The following ENAH variants were observed in gnomAD, a reference collection of about 807,000 sequenced individuals.
ENAH encodes the protein ENAH actin regulator.
In ENAH, 23 loss-of-function variants were observed where a neutral mutation model predicts 78.7. The ratio of observed to expected loss-of-function variants is 0.29; its 90% confidence interval spans 0.21 to 0.41. The LOEUF is 0.41. ENAH is among the 10% of genes least tolerant of loss of function. The pLI is 1.00. For missense variants in ENAH, 544 were observed against 691.0 expected, an observed-to-expected ratio of 0.79 and a Z score of 2.39; for synonymous variants, 226 against 241.0, an observed-to-expected ratio of 0.94 and a Z score of 0.58.
chr1:225,641,998 G>A (rs932346279), intron 1 of ENAH, among the ~76,000 whole-genome samples: 5 of 151,650 alleles, frequency 3.3e-5, no homozygotes, highest in East Asian at 1.9e-4. Flanking sequence ...TCCGGCCTGG[G>A]GGACACAGCA....
chr1:225,618,829 T>C (rs1656282337), intron 1 of ENAH, among the ~76,000 whole-genome samples: 1 of 152,172 alleles, frequency 6.6e-6, no homozygotes, highest in Non-Finnish European at 1.5e-5. Context: ...TTCTACTCTA[T>C]ACTAAATTAC....
chr1:225,642,436 T>C (rs1473438644), intron 1 of ENAH, among the ~76,000 whole-genome samples: 3 of 151,996 alleles, frequency 2.0e-5, no homozygotes, highest in Non-Finnish European at 4.4e-5. Flanking sequence ...TATTGTTAAG[T>C]GAGCGATGAG....
rs544519869 is a variant in ENAH, at chr1:225,621,587, C to T, written c.5+31099G>A. 2.2e-4 allele frequency among the ~76,000 whole-genome samples: 34 copies of T among 152,052 alleles called. 1 individual carries two copies. The East Asian group carries it at 3.5e-3, about 16-fold the overall frequency. On this transcript the variant is annotated intron_variant, in intron 1 of 13. Transcript: ENST00000366843. ...GATTACAGGCGTGAGCCACCGCGCC[C>T]GGCCTAAATCTATCTCTTAATCAAC...
chr1:225,572,236 C>G (rs146717197), intron 1 of ENAH, among the ~76,000 whole-genome samples: 1 of 152,140 alleles, frequency 6.6e-6, no homozygotes, highest in Non-Finnish European at 1.5e-5. Flanking sequence ...CACATACTAA[C>G]TCCGATTACA....
At chr1:225,502,073 G>A (rs2096285329) in intron 11 of ENAH, among the ~76,000 whole-genome samples, 1 of 152,194 alleles carries the variant, frequency 6.6e-6, no homozygotes, top group African/African-American at 2.4e-5. Context: ...ACCAATGTTA[G>A]CAATCTGAAG....
At chr1:225,564,877 CAATT>C (rs1242524906) in intron 2 of ENAH, among the ~76,000 whole-genome samples, 9 of 151,800 alleles carry the variant, frequency 5.9e-5, no homozygotes, top group Admixed American at 5.9e-4. Context: ...CTACTACATA[CAATT>C]AAGACTTGTC....
chr1:225,640,613 G>A (rs1408199386), intron 1 of ENAH, among the ~76,000 whole-genome samples: 2 of 152,104 alleles, frequency 1.3e-5, no homozygotes, highest in African/African-American at 2.4e-5. Flanking sequence ...TGCCTGAGAT[G>A]GAATCCCAGT....
chr1:225,547,366 G>T (rs147181593), intron 3 of ENAH, among the ~76,000 whole-genome samples: 187 of 152,178 alleles, frequency 1.2e-3, no homozygotes, highest in African/African-American at 4.2e-3. Flanking sequence ...CACTGCACCC[G>T]GCCAAGACCT....
chr1:225,517,834 G>A lies in ENAH; in HGVS notation c.803-528C>T, dbSNP rs980425239. 3.2e-6 allele frequency: 5 copies of A among 1,551,296 alleles called. No homozygotes were observed. The African/African-American group carries it at 6.9e-5, about 21-fold the overall frequency. On this transcript the variant is annotated intron_variant, in intron 5 of 13. Coordinates refer to ENST00000366843, the MANE Select transcript of ENAH (RefSeq NM_018212.6). ...CAGTGGTGGTGTAGGGGGTGTGGAAGTAGGTGGCAAAGCAGTCACTACAGC... is the reference window on the plus strand; with the variant it reads ...CAGTGGTGGTGTAGGGGGTGTGGAAATAGGTGGCAAAGCAGTCACTACAGC...
intron 1 of ENAH, among the ~76,000 whole-genome samples, chr1:225,590,128 C>CAT (rs1377871159): frequency 6.9e-6 from 1 of 145,136 alleles, no homozygotes; most frequent in African/African-American, 2.7e-5. Context: ...CACACACACA[C>CAT]ACAGCACCAA....
At chr1:225,637,805 C>A (rs1343159206) in intron 1 of ENAH, among the ~76,000 whole-genome samples, 2 of 152,060 alleles carry the variant, frequency 1.3e-5, no homozygotes, top group African/African-American at 4.8e-5. Context: ...TGCCTATAGT[C>A]CCAGCTACTT....
chr1:225,596,452 A>G (rs958687939), intron 1 of ENAH, among the ~76,000 whole-genome samples: 2 of 152,206 alleles, frequency 1.3e-5, no homozygotes, highest in Non-Finnish European at 2.9e-5. Context: ...AAATTACACC[A>G]GCCTTATTAC....
intron 1 of ENAH, among the ~76,000 whole-genome samples, chr1:225,578,816 G>C (rs2096800631): frequency 1.3e-5 from 2 of 152,132 alleles, no homozygotes; most frequent in Non-Finnish European, 2.9e-5. Context: ...ATCTAATAGA[G>C]ACTAACAGCT....
At chr1:225,561,046 C>T (rs937378063) in intron 2 of ENAH, among the ~76,000 whole-genome samples, 23 of 151,858 alleles carry the variant, frequency 1.5e-4, no homozygotes, top group East Asian at 7.8e-4. Flanking sequence ...CCATCCTGGC[C>T]AACATGGTGA....
intron 1 of ENAH, among the ~76,000 whole-genome samples, chr1:225,644,811 T>C (rs1282428144): frequency 6.6e-6 from 1 of 152,228 alleles, no homozygotes; most frequent in African/African-American, 2.4e-5. Context: ...GCTCAGTTTA[T>C]TTAAAAATAT....
At chr1:225,502,305 C>T (rs776396754) in intron 11 of ENAH, among the ~76,000 whole-genome samples, 1 of 151,944 alleles carries the variant, frequency 6.6e-6, no homozygotes, top group African/African-American at 2.4e-5. Flanking sequence ...TCCGCCTCCC[C>T]GGTTCAAGTG....
chr1:225,608,815 CAAA>C (rs928281132), intron 1 of ENAH, among the ~76,000 whole-genome samples: 14 of 20,664 alleles, frequency 6.8e-4, no homozygotes, highest in South Asian at 5.1e-3. Context: ...GACTCTGTCT[CAAA>C]AAAAAAAAAA....
intron 1 of ENAH, among the ~76,000 whole-genome samples, chr1:225,584,784 T>A (rs907613766): frequency 6.6e-6 from 1 of 152,230 alleles, no homozygotes; most frequent in Non-Finnish European, 1.5e-5. Context: ...AGTACCCATA[T>A]AGTAATATCA....
intron 2 of ENAH, among the ~76,000 whole-genome samples, chr1:225,556,308 T>C (rs879392649): frequency 1.3e-5 from 2 of 152,240 alleles, no homozygotes; most frequent in African/African-American, 2.4e-5. Flanking sequence ...TTGGTTCTAG[T>C]AATTTACATT....
Sources: gnomAD v4.1 joint callset for allele counts (sites outside exome capture counted in the v4.1 genomes callset) on GRCh38, gnomAD v4.1.1 for gene constraint, MANE v1.5 for transcripts, NCBI Gene and HGNC (gene_info 2026-07-23, HGNC 2026-07-21) for gene names.